The following SKI variants were observed in gnomAD, a reference collection of about 807,000 sequenced individuals.
SKI encodes the protein ski oncogene.
Under a neutral mutation model 59.3 loss-of-function variants are expected in SKI, and 23 were observed. The observed-to-expected ratio is 0.39, with a 90% CI of 0.28 to 0.55. SKI has a LOEUF of 0.55. Among genes scored for constraint, SKI ranks in the 20% least tolerant of loss-of-function variants. SKI has a pLI of 0.67. For missense variants in SKI, 1,017 were observed against 1,038.9 expected (o/e 0.98, Z 0.29); for synonymous variants, 673 against 488.6 (o/e 1.38, Z -4.98).
intron 1 of SKI, among the ~76,000 whole-genome samples, chr1:2,250,042 T>A (rs1236835632): frequency 6.6e-6 from 1 of 152,118 alleles, no homozygotes; most frequent in Admixed American, 6.5e-5. Flanking sequence ...ATAGCTGGGA[T>A]TACAGGCGCC....
intron 1 of SKI, among the ~76,000 whole-genome samples, chr1:2,242,472 G>GGACAC (rs1017628644): frequency 6.6e-6 from 1 of 152,104 alleles, no homozygotes; most frequent in Non-Finnish European, 1.5e-5. Flanking sequence ...CAGGGGAGTG[G>GGACAC]GTGTCCCTGC....
rs771324027 is a variant in SKI at position 2,269,208 on chromosome 1, A to G, written c.970-33770A>G. On this transcript the variant is annotated intron_variant, in intron 1 of 6. Transcript: ENST00000378536. The surrounding 1 kb of genome is among the most constrained non-coding windows in gnomAD (Gnocchi z 4.7). Reference sequence around the variant, plus strand: ...GCGATCCTCCTGCTTCAGCCTCCCAAAGTGTTGGGATGACAGGTGTGAGCC... The same window carrying G: ...GCGATCCTCCTGCTTCAGCCTCCCAGAGTGTTGGGATGACAGGTGTGAGCC... 6.6e-6 allele frequency among the ~76,000 whole-genome samples: 1 copy of G among 152,068 alleles called. No individual in the cohort carries two copies. Among genetic ancestry groups the G allele is most frequent in the Non-Finnish European group, 1.5e-5 (1 of 68,006 alleles).
chr1:2,285,860 C>T (rs937033641), intron 1 of SKI, among the ~76,000 whole-genome samples: 1 of 149,180 alleles, frequency 6.7e-6, no homozygotes, highest in Non-Finnish European at 1.5e-5. Context: ...GCCACCGCAC[C>T]AGCCAGAAGG....
Position 2,282,622 on chromosome 1 carries a change from G to A in SKI, c.970-20356G>A, listed in dbSNP as rs1175604412. On this transcript the variant is annotated intron_variant, in intron 1 of 6. Coordinates refer to ENST00000378536, the MANE Select transcript of SKI (RefSeq NM_003036.4). ...CCAGGGCAGGGCCTCCGAACCCATG[G>A]AAAGCCTTGCTTCCCCCAAGCCCGC... Among the ~76,000 whole-genome samples, 19 of 152,156 alleles carry A rather than the reference G, an allele frequency of 1.2e-4. 1 individual carries two copies. The highest frequency in any genetic ancestry group is 2.6e-4 in the Non-Finnish European group (18 of 68,008).
intron 1 of SKI, among the ~76,000 whole-genome samples, chr1:2,286,825 T>C (rs61065210): frequency 6.6e-6 from 1 of 152,124 alleles, no homozygotes; most frequent in African/African-American, 2.4e-5. Flanking sequence ...TGGACGCTCT[T>C]TACACGGGCT....
At position 2,304,003 on chromosome 1, in the gene SKI, G is replaced by A. The variant is rs767801467; in HGVS notation, c.1375G>A (p.Val459Met). 2.5e-6 allele frequency: 4 copies of A among 1,612,484 alleles called. No homozygotes were observed. Among genetic ancestry groups the A allele is most frequent in the South Asian group, 1.1e-5 (1 of 91,088 alleles). Reference sequence around the variant, plus strand: ...CCAGCCTCGGAAGCGGAAGCTGACTGTGGACACCCCAGGAGCCCCAGAGAC... The same window carrying A: ...CCAGCCTCGGAAGCGGAAGCTGACTATGGACACCCCAGGAGCCCCAGAGAC... Reference protein sequence around the residue: ...CTQPRKRKLTVDTPGAPETLA... With the variant: ...CTQPRKRKLTMDTPGAPETLA... The change falls in exon 4 of 7, where the codon GTG (valine) becomes ATG (methionine). Residue 459 changes from valine (V) to methionine (M), a missense_variant. By Grantham distance (21) the Val-to-Met change is conservative. Transcript: ENST00000378536.
Position 2,309,244 on chromosome 1 carries a change from T to G in SKI, c.*2479T>G, listed in dbSNP as rs1378845427. On this transcript the variant is annotated 3_prime_UTR_variant, in exon 7 of 7. Transcript: ENST00000378536. The stretch of plus-strand genomic sequence containing the variant: ...AGCAGAAGGGGGAAGAGGTGTCCGC[T>G]GTGTGGGCTGCTGACTCCTCTGTGT... 1 of 152,236 alleles carries G rather than the reference T, an allele frequency of 6.6e-6. No homozygotes were observed. The highest frequency in any genetic ancestry group is 1.9e-4 in the East Asian group (1 of 5,196). The allele number at this position is 152,236 out of a possible 1,614,324, so 9.4% of individuals were successfully genotyped here. A position where few individuals can be genotyped will look rare whatever the true frequency, so the allele number is the denominator to read the frequency against.
intron 1 of SKI, among the ~76,000 whole-genome samples, chr1:2,282,170 A>G (rs1177683207): frequency 1.4e-3 from 32 of 23,300 alleles, no homozygotes; most frequent in Non-Finnish European, 1.9e-3. Context: ...ACGCCCGAGA[A>G]GACAGGCGGT....
intron 1 of SKI, among the ~76,000 whole-genome samples, chr1:2,239,147 A>C (rs1638812409): frequency 6.6e-6 from 1 of 152,190 alleles, no homozygotes; most frequent in Admixed American, 6.5e-5. Context: ...CAATTAAGCG[A>C]GGGGATTTTA....
intron 1 of SKI, among the ~76,000 whole-genome samples, chr1:2,291,214 G>A (rs1640155763): frequency 1.3e-5 from 2 of 152,260 alleles, no homozygotes; most frequent in South Asian, 2.1e-4. Context: ...CAGTAGCATC[G>A]GAGGAAAAGA....
At position 2,309,749 on chromosome 1, in the gene SKI, C is replaced by A. The variant is rs1378730851; in HGVS notation, c.*2984C>A. On this transcript the variant is annotated 3_prime_UTR_variant, in exon 7 of 7. Coordinates refer to ENST00000378536, the MANE Select transcript of SKI (RefSeq NM_003036.4). ...CTGTGGGTCCGAACCCCGGCCCCCC[C>A]ACCCCCTCCTCCCTGTGGGTCCGAT... is the stretch of plus-strand genomic sequence containing the variant. 3.7e-5 allele frequency: 1 copy of A among 27,258 alleles called. No individual in the cohort carries two copies. The highest frequency in any genetic ancestry group is 2.7e-3 in the South Asian group (1 of 364). The allele number at this position is 27,258 out of a possible 1,614,324, so 1.7% of individuals were successfully genotyped here.
chr1:2,301,093 G>C (rs72643476), intron 1 of SKI, among the ~76,000 whole-genome samples: 4 of 152,048 alleles, frequency 2.6e-5, no homozygotes, highest in African/African-American at 9.7e-5. Flanking sequence ...TTCCGCGCCC[G>C]CTTCAGTGGC....
Position 2,228,705 on chromosome 1 carries a change from G to T in SKI, c.-62G>T. 1.0e-6 allele frequency: 1 copy of T among 966,768 alleles called. No homozygotes were observed. The highest frequency in any genetic ancestry group is 1.2e-6 in the Non-Finnish European group (1 of 815,722). The allele number at this position is 966,768 out of a possible 1,614,324, so 59.9% of individuals were successfully genotyped here. A position where few individuals can be genotyped will look rare whatever the true frequency, so the allele number is the denominator to read the frequency against. Reference sequence around the variant, plus strand: ...CGCCGCCGGGGCGCGCGGGGCGGCGGCGGGGGCCGGGGGGGCCCGGGCGCG... The same window carrying T: ...CGCCGCCGGGGCGCGCGGGGCGGCGTCGGGGGCCGGGGGGGCCCGGGCGCG... On this transcript the variant is annotated 5_prime_UTR_variant, in exon 1 of 7. Transcript: ENST00000378536.
chr1:2,284,325 G>A lies in SKI; in HGVS notation c.970-18653G>A, dbSNP rs960334239. Among the ~76,000 whole-genome samples the A allele has an allele frequency of 2.6e-5, 4 of 152,190 alleles. No homozygotes were observed. In the East Asian group the frequency reaches 7.7e-4, roughly 29 times the overall value. ...GTTGAGTTCCCTCCTCTCCCACCCC[G>A]AGGCGGCCTGAGAAGAGCCTCTTGG... On this transcript the variant is annotated intron_variant, in intron 1 of 6. Coordinates refer to ENST00000378536, the MANE Select transcript of SKI (RefSeq NM_003036.4).
chr1:2,302,910 C>T, intron 1 of SKI, 68 bp from the exon 2 acceptor site: 2 of 1,608,244 alleles, frequency 1.2e-6, no homozygotes, highest in South Asian at 1.1e-5. Context: ...ATGTGCCAGC[C>T]ACGGGGCTGG....
At chr1:2,240,618 G>A in intron 1 of SKI, 9 of 985,458 alleles carry the variant, frequency 9.1e-6, no homozygotes, top group Non-Finnish European at 1.1e-5. Context: ...GTTCTCTTTA[G>A]CCCGAAGTAA....
chr1:2,280,366 CGTCT>C (rs1379552007), intron 1 of SKI, among the ~76,000 whole-genome samples: 2 of 144,924 alleles, frequency 1.4e-5, no homozygotes, highest in African/African-American at 5.2e-5. Context: ...ACAGAGCAAG[CGTCT>C]GTCTCAAAAA....
Position 2,270,165 on chromosome 1 carries a change from C to G in SKI, c.970-32813C>G, listed in dbSNP as rs1245523961. Among the ~76,000 whole-genome samples the G allele has an allele frequency of 2.0e-5, 3 of 152,174 alleles. No homozygotes were observed. Among genetic ancestry groups the G allele is most frequent in the African/African-American group, 7.2e-5 (3 of 41,440 alleles). ...CCAGGCAGTAAAGTGTGGCCAGCAC[C>G]TTGCTGCAAGAGAGGGACAGAGGTC... On this transcript the variant is annotated intron_variant, in intron 1 of 6. Coordinates refer to ENST00000378536, the MANE Select transcript of SKI (RefSeq NM_003036.4). The surrounding 1 kb of genome is among the most constrained non-coding windows in gnomAD (Gnocchi z 4.1).
chr1:2,248,875 C>T (rs1473122677), intron 1 of SKI, among the ~76,000 whole-genome samples: 2 of 152,178 alleles, frequency 1.3e-5, no homozygotes, highest in Non-Finnish European at 2.9e-5. Flanking sequence ...GTGTGGGCCA[C>T]GTTACTTTTC....
Sources: allele counts gnomAD v4.1 joint callset (sites outside exome capture counted in the v4.1 genomes callset), GRCh38; gene constraint gnomAD v4.1.1; non-coding constraint Gnocchi (gnomAD v3.1); transcripts MANE v1.5; gene names NCBI Gene and HGNC (gene_info 2026-07-23, HGNC 2026-07-21).